The following RAB3B variants were observed in gnomAD, a reference collection of about 807,000 sequenced individuals.
RAB3B encodes the protein ras-related protein Rab-3B.
Under a neutral mutation model 20.5 loss-of-function variants are expected in RAB3B, and 11 were observed. The ratio of observed to expected loss-of-function variants is 0.54; its 90% confidence interval spans 0.34 to 0.89. The LOEUF (loss-of-function observed/expected upper bound fraction) is 0.89. Among genes scored for constraint, RAB3B ranks in the 40% least tolerant of loss-of-function variants. RAB3B has a pLI of 0.02. For missense variants in RAB3B, 225 were observed against 280.9 expected (o/e 0.80, Z 1.42); for synonymous variants, 99 against 106.3 (o/e 0.93, Z 0.42).
At chr1:51,920,971 T>A (rs1008845059) in intron 4 of RAB3B, among the ~76,000 whole-genome samples, 16 of 152,118 alleles carry the variant, frequency 1.1e-4, no homozygotes, top group Non-Finnish European at 2.1e-4. Context: ...AAACTACATC[T>A]CAGGTATGCA....
At chr1:51,987,185 G>T (rs1187435806) in intron 1 of RAB3B, among the ~76,000 whole-genome samples, 1 of 152,172 alleles carries the variant, frequency 6.6e-6, no homozygotes, top group Non-Finnish European at 1.5e-5. Context: ...GGAAAGAGCG[G>T]GGAGGAGGAG....
At position 51,946,115 on chromosome 1, in the gene RAB3B, T is replaced by G. The variant is rs147088339; in HGVS notation, c.229-8703A>C. Among the ~76,000 whole-genome samples the G allele has an allele frequency of 1.9e-4, 29 of 152,316 alleles. No individual in the cohort carries two copies. In the East Asian group the frequency reaches 3.1e-3, roughly 16 times the overall value. On this transcript the variant is annotated intron_variant, in intron 2 of 4. Coordinates refer to ENST00000371655, the MANE Select transcript of RAB3B (RefSeq NM_002867.4). Reference sequence around the variant, plus strand: ...CAACTGTGAGGTGGTGATAATAATATTATACTTTGAAGTGACTGTGTGAGA... The same window carrying G: ...CAACTGTGAGGTGGTGATAATAATAGTATACTTTGAAGTGACTGTGTGAGA...
chr1:51,945,065 A>G (rs949213994), intron 2 of RAB3B, among the ~76,000 whole-genome samples: 2 of 152,132 alleles, frequency 1.3e-5, no homozygotes, highest in Admixed American at 6.6e-5. Flanking sequence ...GCAACCACCA[A>G]CCTGATCAGT....
In RAB3B at chr1:51,922,412, T is replaced by A. The variant is rs568357244; in HGVS notation, c.473-2298A>T. Among the ~76,000 whole-genome samples, 127 of 152,288 alleles carry A rather than the reference T, an allele frequency of 8.3e-4. 1 individual carries two copies. Among genetic ancestry groups the A allele is most frequent in the African/African-American group, 3.0e-3 (123 of 41,560 alleles). ...CAGAGGGCAGCTACTAGCTGTGTGA[T>A]CTTGGACAAGTTGCCTAATTGCTCC... On this transcript the variant is annotated intron_variant, in intron 4 of 4. Transcript: ENST00000371655.
At chr1:51,943,744 AT>A (rs1256998239) in intron 2 of RAB3B, among the ~76,000 whole-genome samples, 1 of 152,234 alleles carries the variant, frequency 6.6e-6, no homozygotes, top group African/African-American at 2.4e-5. Flanking sequence ...CCAAAGCCTA[AT>A]TCAGAGCAAG....
intron 2 of RAB3B, among the ~76,000 whole-genome samples, chr1:51,967,383 G>C (rs1184853467): frequency 1.3e-5 from 2 of 151,798 alleles, no homozygotes; most frequent in South Asian, 2.1e-4. Context: ...AAATTCACAG[G>C]CTTGTTGACA....
rs575481404 is a variant in RAB3B at position 51,955,208 on chromosome 1, G to C, written c.229-17796C>G. Among the ~76,000 whole-genome samples the C allele has an allele frequency of 1.1e-4, 16 of 152,234 alleles. No homozygotes were observed. In the South Asian group the frequency reaches 3.3e-3, roughly 32 times the overall value. On this transcript the variant is annotated intron_variant, in intron 2 of 4. Transcript: ENST00000371655. The stretch of plus-strand genomic sequence containing the variant: ...GAATCATTGGGTTGTATATTAAGGT[G>C]ATTTTTCTCCCTCTAATCCCCCAAT...
intron 2 of RAB3B, among the ~76,000 whole-genome samples, chr1:51,958,446 G>A (rs563094040): frequency 1.2e-4 from 19 of 152,266 alleles, no homozygotes; most frequent in Admixed American, 2.0e-4. Context: ...ATACTCGGCC[G>A]GGCGCGGTGG....
intron 2 of RAB3B, among the ~76,000 whole-genome samples, chr1:51,951,185 T>C (rs1344348906): frequency 2.0e-5 from 3 of 151,560 alleles, no homozygotes; most frequent in Non-Finnish European, 2.9e-5. Flanking sequence ...AGGAGGTAAA[T>C]GTATAGGTTT....
chr1:51,984,136 T>C (rs6686020), intron 1 of RAB3B, among the ~76,000 whole-genome samples: 150,011 of 150,846 alleles, frequency 0.99, 74,596 homozygotes, highest in Middle Eastern at 1. Flanking sequence ...TGGTGGTGGC[T>C]GCCTGTAATC....
intron 2 of RAB3B, among the ~76,000 whole-genome samples, 176 bp from the exon 3 acceptor site, chr1:51,937,588 C>T (rs1309313300): frequency 6.6e-6 from 1 of 151,970 alleles, no homozygotes; most frequent in Non-Finnish European, 1.5e-5. Context: ...ACCTCTGCCT[C>T]CTAGGTTCAA....
chr1:51,970,931 A>G (rs1248548239), intron 2 of RAB3B, among the ~76,000 whole-genome samples: 1 of 151,164 alleles, frequency 6.6e-6, no homozygotes, highest in East Asian at 2.0e-4. Context: ...GAATGGCGTG[A>G]ACCCAGGAGG....
chr1:51,944,127 A>G (rs1684531642), intron 2 of RAB3B, among the ~76,000 whole-genome samples: 1 of 152,242 alleles, frequency 6.6e-6, no homozygotes, highest in African/African-American at 2.4e-5. Flanking sequence ...ATTTGAAGTC[A>G]ATGCTAACTG....
At chr1:51,942,702 T>C (rs1457742786) in intron 2 of RAB3B, among the ~76,000 whole-genome samples, 2 of 152,222 alleles carry the variant, frequency 1.3e-5, no homozygotes, top group East Asian at 3.9e-4. Context: ...CTTCATTTTA[T>C]TGCACTTCAA....
chr1:51,932,920 C>T (rs1684346122), intron 4 of RAB3B, among the ~76,000 whole-genome samples: 2 of 152,218 alleles, frequency 1.3e-5, no homozygotes, highest in South Asian at 4.1e-4. Context: ...ACCCTAGCTT[C>T]CTCTTATTTT....
rs867694321 is a variant in RAB3B, at chr1:51,941,210, G to A, written c.229-3798C>T. ...CAGAAGGGAGAGTTTTTGACAGTGA[G>A]TACTCCTGAAGAACTTCAGGAACGG... On this transcript the variant is annotated intron_variant, in intron 2 of 4. Transcript: ENST00000371655. 1.6e-4 allele frequency among the ~76,000 whole-genome samples: 24 copies of A among 152,262 alleles called. No individual in the cohort carries two copies. The Middle Eastern group carries it at 0.01, about 65-fold the overall frequency.
chr1:51,980,764 C>A, intron 1 of RAB3B: 1 of 754,402 alleles, frequency 1.3e-6, no homozygotes, highest in Non-Finnish European at 2.4e-6. Context: ...CCAAACACCC[C>A]CACCCTGATT....
intron 2 of RAB3B, among the ~76,000 whole-genome samples, chr1:51,958,724 CAAAA>C (rs11379171): frequency 8.2e-6 from 1 of 121,816 alleles, no homozygotes. Context: ...AACTCAGTCT[CAAAA>C]AAAAAAAAAA....
intron 1 of RAB3B, among the ~76,000 whole-genome samples, chr1:51,983,644 G>A (rs973006356): frequency 6.6e-6 from 1 of 152,072 alleles, no homozygotes; most frequent in Non-Finnish European, 1.5e-5. Context: ...AAATTTAGTA[G>A]TACCAAAAGT....
Sources: gnomAD v4.1 joint callset for allele counts (sites outside exome capture counted in the v4.1 genomes callset) on GRCh38, gnomAD v4.1.1 for gene constraint, MANE v1.5 for transcripts, NCBI Gene and HGNC (gene_info 2026-07-23, HGNC 2026-07-21) for gene names.